The following MGAT5 variants were observed in gnomAD, a reference collection of about 807,000 sequenced individuals.
The protein encoded by MGAT5 is alpha-1,6-mannosylglycoprotein 6-beta-N-acetylglucosaminyltransferase A.
MGAT5 carries 30 observed loss-of-function variants against 94.3 expected under a neutral mutation model. That is an observed-to-expected ratio of 0.32 (90% CI 0.24 to 0.43). The LOEUF is 0.43. MGAT5 is among the 20% of genes least tolerant of loss of function. The probability of loss-of-function intolerance (pLI) is 1.00; values close to 1 mark genes in which losing one functional copy is unlikely to be tolerated. For missense variants in MGAT5, 691 were observed against 905.5 expected, an observed-to-expected ratio of 0.76 and a Z score of 3.04; for synonymous variants, 310 against 322.9, an observed-to-expected ratio of 0.96 and a Z score of 0.43.
At chr2:134,156,055 AT>A (rs1687462263) in intron 1 of MGAT5, among the ~76,000 whole-genome samples, 1 of 152,062 alleles carries the variant, frequency 6.6e-6, no homozygotes, top group African/African-American at 2.4e-5. Flanking sequence ...CCTATACTTT[AT>A]GCTCCAGGAA....
chr2:134,166,094 T>C (rs1001664570), intron 1 of MGAT5, among the ~76,000 whole-genome samples: 1 of 152,178 alleles, frequency 6.6e-6, no homozygotes, highest in Non-Finnish European at 1.5e-5. Context: ...GATCTAAAAC[T>C]GCATAAGACT....
chr2:134,182,888 G>A (rs536555245), intron 1 of MGAT5, among the ~76,000 whole-genome samples: 41 of 142,248 alleles, frequency 2.9e-4, no homozygotes, highest in African/African-American at 9.1e-4. Flanking sequence ...CAGGGTTCAC[G>A]CCATTCTCTT....
In MGAT5 at chr2:134,256,605, T is replaced by A. The variant is rs1205184531; in HGVS notation, c.241+1961T>A. 7.2e-5 allele frequency among the ~76,000 whole-genome samples: 11 copies of A among 152,216 alleles called. No homozygotes were observed. The East Asian group carries it at 2.1e-3, about 29-fold the overall frequency. On this transcript the variant is annotated intron_variant, in intron 1 of 15. Transcript: ENST00000281923. The stretch of plus-strand genomic sequence containing the variant: ...AGGACAATAATTTGGTCTTAGCTTT[T>A]CAGCCTCACAGAAATATTATTTTTT...
intron 9 of MGAT5, among the ~76,000 whole-genome samples, chr2:134,356,449 T>C (rs569777411): frequency 6.6e-6 from 1 of 152,340 alleles, no homozygotes; most frequent in South Asian, 2.1e-4. Flanking sequence ...GGAATCTTTA[T>C]TTGGTTGTCG....
At chr2:134,171,609 G>T (rs1004095808) in intron 1 of MGAT5, among the ~76,000 whole-genome samples, 1 of 152,206 alleles carries the variant, frequency 6.6e-6, no homozygotes, top group Middle Eastern at 3.4e-3. Context: ...TTTGGGAGAC[G>T]ATCTTAAAGG....
At chr2:134,262,013 T>A (rs1402236445) in intron 1 of MGAT5, among the ~76,000 whole-genome samples, 1 of 152,204 alleles carries the variant, frequency 6.6e-6, no homozygotes, top group African/African-American at 2.4e-5. Flanking sequence ...AGGTAGTTAG[T>A]GTTTCTGTTG....
chr2:134,137,447 T>C (rs146172840), intron 1 of MGAT5, among the ~76,000 whole-genome samples: 2 of 152,184 alleles, frequency 1.3e-5, no homozygotes, highest in African/African-American at 4.8e-5. Context: ...AAACTTCTCT[T>C]GATAGGAAAT....
intron 10 of MGAT5, among the ~76,000 whole-genome samples, chr2:134,372,049 A>C (rs1680840836): frequency 6.6e-6 from 1 of 151,840 alleles, no homozygotes; most frequent in Admixed American, 6.6e-5. Flanking sequence ...TAGAATTTCC[A>C]GGGGAGGGAC....
At chr2:134,331,082 G>A (rs766832085) in intron 4 of MGAT5, among the ~76,000 whole-genome samples, 1 of 151,828 alleles carries the variant, frequency 6.6e-6, no homozygotes, top group African/African-American at 2.4e-5. Flanking sequence ...ATAATGAATT[G>A]TCCATCCTAC....
chr2:134,174,829 G>C (rs116275566), intron 1 of MGAT5, among the ~76,000 whole-genome samples: 1 of 152,368 alleles, frequency 6.6e-6, no homozygotes, highest in African/African-American at 2.4e-5. Context: ...TGAGCCGCTT[G>C]ATGGTGACCA....
intron 14 of MGAT5, among the ~76,000 whole-genome samples, chr2:134,441,187 A>T (rs749216270): frequency 9.9e-5 from 15 of 152,222 alleles, no homozygotes; most frequent in Non-Finnish European, 1.9e-4. Flanking sequence ...ACAGCACCAT[A>T]TGAGGTGGTG....
intron 2 of MGAT5, among the ~76,000 whole-genome samples, chr2:134,278,796 C>T (rs1684528917): frequency 6.6e-6 from 1 of 152,208 alleles, no homozygotes; most frequent in Non-Finnish European, 1.5e-5. Context: ...ACACACTTAA[C>T]ATGTTTTTGT....
intron 1 of MGAT5, among the ~76,000 whole-genome samples, chr2:134,154,651 CCT>C (rs1448120722): frequency 2.0e-5 from 3 of 152,188 alleles, no homozygotes; most frequent in Non-Finnish European, 4.4e-5. Flanking sequence ...TGACCACACC[CCT>C]GAGACTCTAA....
chr2:134,384,554 A>G (rs1681851140), intron 10 of MGAT5, among the ~76,000 whole-genome samples: 1 of 152,210 alleles, frequency 6.6e-6, no homozygotes, highest in African/African-American at 2.4e-5. Flanking sequence ...ATTCTTTATA[A>G]CTATTTGATT....
intron 8 of MGAT5, among the ~76,000 whole-genome samples, chr2:134,347,774 A>G (rs1689008524): frequency 6.6e-6 from 1 of 152,206 alleles, no homozygotes; most frequent in South Asian, 2.1e-4. Flanking sequence ...CAAATCCACC[A>G]GATACCAAAG....
chr2:134,218,193 A>G (rs139390876), intron 1 of MGAT5, among the ~76,000 whole-genome samples: 102 of 152,326 alleles, frequency 6.7e-4, no homozygotes, highest in Middle Eastern at 6.8e-3. Flanking sequence ...CCCACAGCAG[A>G]TCTTGATGTA....
chr2:134,257,366 C>T lies in MGAT5; in HGVS notation c.241+2722C>T, dbSNP rs112059397. The stretch of plus-strand genomic sequence containing the variant: ...CCTCCAGAGTAGCTGGGATTACAGG[C>T]GCACACCACCACGCCTGCCTAATTT... On this transcript the variant is annotated intron_variant, in intron 1 of 15. Coordinates refer to ENST00000281923, the MANE Select transcript of MGAT5 (RefSeq NM_002410.5). Among the ~76,000 whole-genome samples, 587 of 152,138 alleles carry T rather than the reference C, an allele frequency of 3.9e-3. 4 individuals carry two copies. Among genetic ancestry groups the T allele is most frequent in the African/African-American group, 0.013 (521 of 41,512 alleles).
intron 1 of MGAT5, among the ~76,000 whole-genome samples, chr2:134,213,969 TGG>T (rs1402846460): frequency 6.6e-6 from 1 of 152,090 alleles, no homozygotes; most frequent in African/African-American, 2.4e-5. Context: ...ATTTTAGGGG[TGG>T]GACTGAAAGT....
chr2:134,361,095 G>T lies in MGAT5; in HGVS notation c.1247-1180G>T, dbSNP rs140290226. Reference sequence around the variant, plus strand: ...AGGCCTGTGCTGCAGGCTGGCCTTTGCCCATCTGTCTGTCTGAAAGGATTT... The same window carrying T: ...AGGCCTGTGCTGCAGGCTGGCCTTTTCCCATCTGTCTGTCTGAAAGGATTT... On this transcript the variant is annotated intron_variant, in intron 9 of 15. Coordinates refer to ENST00000281923, the MANE Select transcript of MGAT5 (RefSeq NM_002410.5). Among the ~76,000 whole-genome samples, 505 of 152,322 alleles carry T rather than the reference G, an allele frequency of 3.3e-3. 5 individuals carry two copies. The highest frequency in any genetic ancestry group is 0.011 in the African/African-American group (461 of 41,576).
Sources: gnomAD v4.1 joint callset for allele counts (sites outside exome capture counted in the v4.1 genomes callset) on GRCh38, gnomAD v4.1.1 for gene constraint, MANE v1.5 for transcripts, NCBI Gene and HGNC (gene_info 2026-07-23, HGNC 2026-07-21) for gene names.